CD47: variants seen among roughly 807,000 people sequenced by gnomAD.
CD47 encodes the protein CD47 molecule, also known as leukocyte surface antigen CD47.
CD47 carries 11 observed loss-of-function variants against 44.6 expected under a neutral mutation model. The observed-to-expected ratio is 0.25, with a 90% CI of 0.16 to 0.41. The LOEUF is 0.41. Among genes scored for constraint, CD47 ranks in the 10% least tolerant of loss-of-function variants. The pLI is 1.00. For synonymous variants in CD47, 140 were observed against 136.3 expected (o/e 1.03, Z -0.19); for missense variants, 306 against 386.7 (o/e 0.79, Z 1.75).
At chr3:108,066,460 A>C (rs890630879) in intron 3 of CD47, among the ~76,000 whole-genome samples, 6 of 152,240 alleles carry the variant, frequency 3.9e-5, no homozygotes, top group African/African-American at 1.4e-4. Context: ...TCAGTTCAAA[A>C]ATAACTATGT....
Position 108,057,527 on chromosome 3 carries a change from C to T in CD47, c.827G>A (p.Ser276Asn), listed in dbSNP as rs768851205. The part of the protein sequence containing the change: ...MHGPLLISGL[S>N]ILALAQLLGL... ...AAGTAATTGTGCTAGAGCTAAGATACTCAAACCTGAAATCAGAAGAGGGCC... is the reference window on the plus strand; with the variant it reads ...AAGTAATTGTGCTAGAGCTAAGATATTCAAACCTGAAATCAGAAGAGGGCC... The change falls in exon 7 of 11, where the codon AGT becomes AAT. Residue 276 changes from serine (S) to asparagine (N), a missense_variant. Transcript: ENST00000361309. 1.3e-6 allele frequency: 2 copies of T among 1,588,098 alleles called. No individual in the cohort carries two copies. Among genetic ancestry groups the T allele is most frequent in the East Asian group, 2.2e-5 (1 of 44,588 alleles).
At chr3:108,083,821 A>C (rs1179807983) in intron 1 of CD47, among the ~76,000 whole-genome samples, 1 of 151,690 alleles carries the variant, frequency 6.6e-6, no homozygotes, top group African/African-American at 2.4e-5. Context: ...TACAAACTGA[A>C]ACCTTCAGAG....
intron 10 of CD47, among the ~76,000 whole-genome samples, chr3:108,048,541 T>G (rs1042146336): frequency 6.6e-6 from 1 of 151,948 alleles, no homozygotes; most frequent in Non-Finnish European, 1.5e-5. Context: ...CCCGCCACCA[T>G]GCCCGGCTAA....
rs924192412 is a variant in CD47, at chr3:108,075,970, G to T, written c.400+4021C>A. Reference sequence around the variant, plus strand: ...CTCTAGGAGCTGCTACAATTCCTTGGCAGATACTTAGCAAAGAAACAGGGA... The same window carrying T: ...CTCTAGGAGCTGCTACAATTCCTTGTCAGATACTTAGCAAAGAAACAGGGA... On this transcript the variant is annotated intron_variant, in intron 2 of 10. Transcript: ENST00000361309. 2.0e-5 allele frequency among the ~76,000 whole-genome samples: 3 copies of T among 152,286 alleles called. No homozygotes were observed. The South Asian group carries it at 6.2e-4, about 32-fold the overall frequency.
At chr3:108,056,004 T>A (rs1169461862) in intron 7 of CD47, among the ~76,000 whole-genome samples, 1 of 152,172 alleles carries the variant, frequency 6.6e-6, no homozygotes, top group Non-Finnish European at 1.5e-5. Flanking sequence ...AATAAGAGCG[T>A]GCTGCCCGTC....
chr3:108,049,661 G>A lies in CD47; in HGVS notation c.935-10C>T, dbSNP rs1156973682. The A allele has an allele frequency of 6.3e-7, 1 of 1,599,464 alleles. No homozygotes were observed. Among genetic ancestry groups the A allele is most frequent in the Non-Finnish European group, 8.6e-7 (1 of 1,166,894 alleles). On this transcript the variant is annotated splice_polypyrimidine_tract_variant and intron_variant, in intron 9 of 10. Transcript: ENST00000361309. ...TTTGATTCTTTGAATGCTAGGATTA[G>A]TAACAAGCCAAGCAGGCAGTTAGTG...
intron 2 of CD47, among the ~76,000 whole-genome samples, chr3:108,071,396 A>G (rs1304841232): frequency 6.6e-6 from 1 of 152,158 alleles, no homozygotes; most frequent in Admixed American, 6.5e-5. Context: ...TAAAAACTAC[A>G]CTTACTTAAG....
intron 3 of CD47, among the ~76,000 whole-genome samples, chr3:108,069,058 G>A (rs1245627784): frequency 1.3e-5 from 2 of 152,298 alleles, no homozygotes; most frequent in East Asian, 3.9e-4. Context: ...CAAATTTGCA[G>A]AGATTTTAGC....
intron 2 of CD47, among the ~76,000 whole-genome samples, chr3:108,077,245 T>C (rs1202925409): frequency 6.6e-6 from 1 of 152,160 alleles, no homozygotes; most frequent in East Asian, 1.9e-4. Context: ...ATCCTCAAAG[T>C]CCGTGACAAG....
intron 3 of CD47, among the ~76,000 whole-genome samples, chr3:108,065,811 C>CAA (rs58021560): frequency 0.021 from 1,314 of 61,224 alleles, 109 homozygotes; most frequent in Non-Finnish European, 0.029. Context: ...GACTCCGTCT[C>CAA]AAAAAAAAAA....
chr3:108,074,228 TCCCAGATTCTATGTGAAACAAGAA>T (rs1433238069), intron 2 of CD47, among the ~76,000 whole-genome samples: 1 of 152,144 alleles, frequency 6.6e-6, no homozygotes, highest in East Asian at 1.9e-4. Context: ...ACTTGATGAC[TCCCAGATTCTATGTGAAACAAGAA>T]ATATGAGACA....
At position 108,044,542 on chromosome 3, in the gene CD47, T is replaced by C. The variant is rs1441059952; in HGVS notation, c.*2746A>G. 6.6e-6 allele frequency: 1 copy of C among 150,878 alleles called. No homozygotes were observed. Among genetic ancestry groups the C allele is most frequent in the Non-Finnish European group, 1.5e-5 (1 of 67,804 alleles). The allele number at this position is 150,878 out of a possible 1,614,324, so 9.3% of individuals were successfully genotyped here. A position where few individuals can be genotyped will look rare whatever the true frequency, so the allele number is the denominator to read the frequency against. ...AGCCAACTCTCAATCATTTAACTTA[T>C]GTACCTAGCTTCTGATGTATGCAAA... On this transcript the variant is annotated 3_prime_UTR_variant, in exon 11 of 11. Transcript: ENST00000361309.
intron 3 of CD47, among the ~76,000 whole-genome samples, chr3:108,065,259 A>C (rs1350598336): frequency 6.6e-6 from 1 of 152,192 alleles, no homozygotes; most frequent in Non-Finnish European, 1.5e-5. Flanking sequence ...TGTCCAACAG[A>C]CCAAACTTCC....
chr3:108,053,905 AG>A (rs1231859911), intron 7 of CD47: 1 of 152,220 alleles, frequency 6.6e-6, no homozygotes, highest in Non-Finnish European at 1.5e-5. Flanking sequence ...AGAAATACAG[AG>A]CTTTATTTGG....
chr3:108,074,994 C>T (rs1389365805), intron 2 of CD47, among the ~76,000 whole-genome samples: 1 of 152,172 alleles, frequency 6.6e-6, no homozygotes, highest in East Asian at 1.9e-4. Flanking sequence ...AACTCTTGTT[C>T]CTCAAGGGGA....
At chr3:108,049,158 A>T (rs1206880728) in intron 10 of CD47, among the ~76,000 whole-genome samples, 3 of 145,312 alleles carry the variant, frequency 2.1e-5, no homozygotes, top group Non-Finnish European at 4.5e-5. Flanking sequence ...CTCTCTCTTT[A>T]ATCATCTCCC....
At chr3:108,079,729 T>C (rs542231601) in intron 2 of CD47, among the ~76,000 whole-genome samples, 198 of 151,898 alleles carry the variant, frequency 1.3e-3, no homozygotes, top group Non-Finnish European at 2.1e-3. Context: ...AAATGGTCCT[T>C]AGACCAAAAG....
chr3:108,063,084 T>C (rs1046110537), intron 3 of CD47, among the ~76,000 whole-genome samples: 10 of 152,230 alleles, frequency 6.6e-5, no homozygotes, highest in African/African-American at 2.4e-4. Context: ...CACAAAATAC[T>C]ACCATAGACA....
rs559067221 is a variant in CD47, at chr3:108,080,539, G to T, written c.47-195C>A. 1.6e-4 allele frequency among the ~76,000 whole-genome samples: 24 copies of T among 151,584 alleles called. No homozygotes were observed. In the South Asian group the frequency reaches 4.8e-3, roughly 30 times the overall value. On this transcript the variant is annotated intron_variant, in intron 1 of 10. Transcript: ENST00000361309. Reference sequence around the variant, plus strand: ...TTAATATTAACTTGCACAGCTGGAAGGCATCATTATGACTTTTCTTTATTC... The same window carrying T: ...TTAATATTAACTTGCACAGCTGGAATGCATCATTATGACTTTTCTTTATTC...
Sources: gnomAD v4.1 joint callset for allele counts (sites outside exome capture counted in the v4.1 genomes callset) on GRCh38, gnomAD v4.1.1 for gene constraint, MANE v1.5 for transcripts, NCBI Gene and HGNC (gene_info 2026-07-23, HGNC 2026-07-21) for gene names.